The following COL4A1 variants were observed in gnomAD, a reference collection of about 807,000 sequenced individuals.
The protein encoded by COL4A1 is collagen alpha-1(IV) chain.
Under a neutral mutation model 216.6 loss-of-function variants are expected in COL4A1, and 40 were observed. The observed-to-expected ratio is 0.18, with a 90% CI of 0.14 to 0.24. The LOEUF (loss-of-function observed/expected upper bound fraction) is 0.24. Among genes scored for constraint, COL4A1 ranks in the 10% least tolerant of loss-of-function variants. COL4A1 has a pLI of 1.00. For synonymous variants in COL4A1, 839 were observed against 810.7 expected (o/e 1.03, Z -0.59); for missense variants, 1,628 against 2,196.8 (o/e 0.74, Z 5.18).
intron 1 of COL4A1, among the ~76,000 whole-genome samples, chr13:110,266,950 G>T (rs1311655084): frequency 1.3e-5 from 2 of 152,166 alleles, no homozygotes; most frequent in African/African-American, 2.4e-5. Context: ...TTTAATCAGG[G>T]TAATGAGATT....
chr13:110,242,770 C>T (rs767066467), intron 1 of COL4A1, 36 bp from the exon 2 acceptor site: 1 of 1,610,704 alleles, frequency 6.2e-7, no homozygotes, highest in Non-Finnish European at 8.5e-7. Flanking sequence ...AATAGAAGAA[C>T]ACTTTCAAAG....
chr13:110,217,375 C>T (rs1019192987), intron 2 of COL4A1, among the ~76,000 whole-genome samples: 5 of 152,170 alleles, frequency 3.3e-5, no homozygotes, highest in African/African-American at 1.2e-4. Flanking sequence ...CTAACGTGAC[C>T]ACAGTGACCC....
intron 26 of COL4A1, 109 bp from the exon 27 acceptor site, chr13:110,183,385 G>A (rs113414938): frequency 1.8e-5 from 18 of 983,524 alleles, no homozygotes; most frequent in African/African-American, 1.4e-4. Context: ...CCAGCACCAC[G>A]AGTGCCCGGA....
intron 1 of COL4A1, among the ~76,000 whole-genome samples, chr13:110,277,268 G>A (rs1440853126): frequency 6.6e-6 from 1 of 152,070 alleles, no homozygotes; most frequent in Non-Finnish European, 1.5e-5. Context: ...TTTCTGTGTA[G>A]CCATTTCTGT....
In COL4A1 at chr13:110,207,559, G is replaced by T; in HGVS notation, c.694-70C>A. The T allele has an allele frequency of 7.9e-7, 1 of 1,269,324 alleles. No individual in the cohort carries two copies. The highest frequency in any genetic ancestry group is 1.2e-6 in the Non-Finnish European group (1 of 867,778). 78.6% of individuals were successfully genotyped at this position (1,269,324 alleles called of 1,614,324 possible). A position where few individuals can be genotyped will look rare whatever the true frequency, so the allele number is the denominator to read the frequency against. On this transcript the variant is annotated intron_variant, in intron 12 of 51. Transcript: ENST00000375820. The surrounding 1 kb of genome is among the most constrained non-coding windows in gnomAD (Gnocchi z 4.4). ...ATGCAGACATGAAAAATTGCAGAGA[G>T]AGGTAAAAGCCTAAAATAAAACACC... is the stretch of plus-strand genomic sequence containing the variant.
In COL4A1 at chr13:110,213,807, C is replaced by G; in HGVS notation, c.254G>C (p.Gly85Ala). 6.2e-7 allele frequency: 1 copy of G among 1,614,124 alleles called. No homozygotes were observed. Among genetic ancestry groups the G allele is most frequent in the Non-Finnish European group, 8.5e-7 (1 of 1,180,010 alleles). ...PGQKGDTGEP[G>A]LPGTKGTRGP... is the part of the protein sequence containing the mutation. ...TCTTGTCCCTTTTGTTCCAGGTAGT[C>G]CTGGTTCTCCAGTATCACCCTGGAA... Residue 85 changes from glycine to alanine, a missense_variant, in exon 4 of 52, where the codon GGA becomes GCA. By Grantham distance (60) the Gly-to-Ala change is moderately conservative (BLOSUM62 0). Around this residue, in one of 8 missense-constraint regions of COL4A1, gnomAD observed 150 missense variants for 211.9 expected, o/e 0.71. Coordinates refer to ENST00000375820, the MANE Select transcript of COL4A1 (RefSeq NM_001845.6).
intron 2 of COL4A1, among the ~76,000 whole-genome samples, chr13:110,227,170 A>G (rs1267421893): frequency 6.6e-6 from 1 of 152,162 alleles, no homozygotes; most frequent in Non-Finnish European, 1.5e-5. Flanking sequence ...TTTTTTCTTA[A>G]CTACTTAATG....
chr13:110,243,017 G>T lies in COL4A1; in HGVS notation c.85-283C>A, dbSNP rs1408747569. On this transcript the variant is annotated intron_variant, in intron 1 of 51. Transcript: ENST00000375820. ...ATGTCACCTATACTTTTTGCCCTTT[G>T]TTAATTTCTATTTGAAGTTGACTCC... 6.6e-5 allele frequency among the ~76,000 whole-genome samples: 10 copies of T among 152,282 alleles called. 1 individual carries two copies. The East Asian group carries it at 7.7e-4, about 12-fold the overall frequency.
intron 39 of COL4A1, 70 bp downstream of exon 39, chr13:110,174,376 C>A (rs1294853783): frequency 6.4e-7 from 1 of 1,565,082 alleles, no homozygotes; most frequent in African/African-American, 1.4e-5. Flanking sequence ...ATGGGAACTC[C>A]TTGGGGCCTC....
intron 2 of COL4A1, among the ~76,000 whole-genome samples, chr13:110,234,200 C>T (rs1254243212): frequency 6.6e-6 from 1 of 152,184 alleles, no homozygotes; most frequent in African/African-American, 2.4e-5. Context: ...TGGTGAAAAA[C>T]AGTGGGTAGA....
intron 2 of COL4A1, among the ~76,000 whole-genome samples, chr13:110,217,937 C>T (rs1256199589): frequency 4.6e-5 from 7 of 152,126 alleles, no homozygotes; most frequent in African/African-American, 1.2e-4. Context: ...CCTTAAAATG[C>T]GTGGATAGAA....
rs964585972 is a variant in COL4A1 at position 110,268,095 on chromosome 13, T to C, written c.85-25361A>G. The stretch of plus-strand genomic sequence containing the variant: ...TGACATTTGACTCCAGGAGGAAAGT[T>C]TGACAGACTGCTGTTAAGCACCTAC... On this transcript the variant is annotated intron_variant, in intron 1 of 51. Coordinates refer to ENST00000375820, the MANE Select transcript of COL4A1 (RefSeq NM_001845.6). The surrounding 1 kb of genome is among the most constrained non-coding windows in gnomAD (Gnocchi z 4.1). 3.9e-5 allele frequency among the ~76,000 whole-genome samples: 6 copies of C among 152,108 alleles called. No homozygotes were observed. Among genetic ancestry groups the C allele is most frequent in the African/African-American group, 4.8e-5 (2 of 41,426 alleles).
At chr13:110,216,615 T>C (rs1356656176) in intron 2 of COL4A1, among the ~76,000 whole-genome samples, 2 of 152,220 alleles carry the variant, frequency 1.3e-5, no homozygotes, top group Non-Finnish European at 1.5e-5. Flanking sequence ...AACCATGGAA[T>C]GCACTGAGGA....
In COL4A1 at chr13:110,272,574, A is replaced by G. The variant is rs550934053; in HGVS notation, c.85-29840T>C. On this transcript the variant is annotated intron_variant, in intron 1 of 51. Transcript: ENST00000375820. The stretch of plus-strand genomic sequence containing the variant: ...ATCCTCCATCATAAGTCCCCTCTAA[A>G]AGAAAAGGGGGGGAACTCTTCTCAG... Among the ~76,000 whole-genome samples, 5 of 152,082 alleles carry G rather than the reference A, an allele frequency of 3.3e-5. No individual in the cohort carries two copies. In the East Asian group the frequency reaches 9.7e-4, roughly 29 times the overall value.
intron 1 of COL4A1, among the ~76,000 whole-genome samples, chr13:110,282,782 T>C (rs1025740878): frequency 6.6e-6 from 1 of 152,230 alleles, no homozygotes; most frequent in African/African-American, 2.4e-5. Flanking sequence ...CCAGGGATCA[T>C]GAACTCTTTA....
chr13:110,231,652 C>T (rs1002803917), intron 2 of COL4A1, among the ~76,000 whole-genome samples: 3 of 152,174 alleles, frequency 2.0e-5, no homozygotes, highest in Non-Finnish European at 4.4e-5. Flanking sequence ...CTGGCCACTA[C>T]CCAGGCCCAC....
At chr13:110,182,178 G>A (rs1878191251) in intron 28 of COL4A1, among the ~76,000 whole-genome samples, 1 of 152,196 alleles carries the variant, frequency 6.6e-6, no homozygotes, top group African/African-American at 2.4e-5. Context: ...ATGCTCTGCT[G>A]CCCGCCCAGC....
intron 13 of COL4A1, 36 bp from the exon 14 acceptor site, chr13:110,206,927 A>G (rs2139198544): frequency 6.2e-7 from 1 of 1,612,496 alleles, no homozygotes; most frequent in South Asian, 1.1e-5. Flanking sequence ...GCACTATCAA[A>G]CAGCTGTATC....
intron 1 of COL4A1, among the ~76,000 whole-genome samples, chr13:110,280,384 T>A (rs1883583755): frequency 6.6e-6 from 1 of 152,182 alleles, no homozygotes; most frequent in Admixed American, 6.5e-5. Context: ...CTTTAGGAGT[T>A]CCCTCAAAAT....
Sources: gnomAD v4.1 joint callset for allele counts (sites outside exome capture counted in the v4.1 genomes callset) on GRCh38, gnomAD v4.1.1 for gene constraint, gnomAD v4.1.1 regional missense constraint, Gnocchi (gnomAD v3.1) non-coding constraint, MANE v1.5 for transcripts, NCBI Gene and HGNC (gene_info 2026-07-23, HGNC 2026-07-21) for gene names.